Variants in ATAT1 observed in about 807,000 individuals in gnomAD.
ATAT1 encodes alpha-tubulin N-acetyltransferase 1.
Under a neutral mutation model 57.2 loss-of-function variants are expected in ATAT1, and 42 were observed. That is an observed-to-expected ratio of 0.73 (90% CI 0.57 to 0.95). ATAT1 has a LOEUF of 0.95. ATAT1 is among the 40% of genes least tolerant of loss of function. ATAT1 has a pLI of 0.00. For missense variants in ATAT1, 454 were observed against 523.7 expected, an observed-to-expected ratio of 0.87 and a Z score of 1.30; for synonymous variants, 168 against 187.1, an observed-to-expected ratio of 0.90 and a Z score of 0.83.
At chr6:30,631,777 AAAAC>A (rs1343261454) in intron 6 of ATAT1, among the ~76,000 whole-genome samples, 1 of 150,978 alleles carries the variant, frequency 6.6e-6, no homozygotes, top group African/African-American at 2.5e-5. Context: ...AGACTGTCTC[AAAAC>A]AAACAAACAA....
rs775332757 is a variant in ATAT1, at chr6:30,627,625, C to A, written c.133-11C>A. The A allele has an allele frequency of 6.8e-6, 11 of 1,612,572 alleles. No individual in the cohort carries two copies. Among genetic ancestry groups the A allele is most frequent in the Non-Finnish European group, 9.3e-6 (11 of 1,179,700 alleles). ...AGACTTGCAGAAAGTCTGACTTAATCTTCCCTGCAGGCCCAGAATCTTTCC... is the reference window on the plus strand; with the variant it reads ...AGACTTGCAGAAAGTCTGACTTAATATTCCCTGCAGGCCCAGAATCTTTCC... On this transcript the variant is annotated splice_polypyrimidine_tract_variant and intron_variant, in intron 2 of 12. Coordinates refer to ENST00000330083, the MANE Select transcript of ATAT1 (RefSeq NM_001031722.4).
chr6:30,642,281 G>C, intron 9 of ATAT1, 34 bp downstream of exon 9: 2 of 1,613,542 alleles, frequency 1.2e-6, no homozygotes, highest in African/African-American at 2.7e-5. Context: ...TCTGGGCCTG[G>C]GGTACCTTAA....
At chr6:30,631,947 G>A (rs1762972290) in intron 6 of ATAT1, among the ~76,000 whole-genome samples, 1 of 152,148 alleles carries the variant, frequency 6.6e-6, no homozygotes, top group South Asian at 2.1e-4. Context: ...TAGGAGATGA[G>A]ACCAGAGAGG....
intron 6 of ATAT1, among the ~76,000 whole-genome samples, chr6:30,638,839 G>A (rs1289228275): frequency 6.6e-6 from 1 of 152,162 alleles, no homozygotes; most frequent in Admixed American, 6.6e-5. Context: ...TGACTTCCAG[G>A]ATTGTGAAGG....
At chr6:30,628,728 C>T (rs949227099) in intron 6 of ATAT1, among the ~76,000 whole-genome samples, 1 of 152,122 alleles carries the variant, frequency 6.6e-6, no homozygotes, top group African/African-American at 2.4e-5. Context: ...CTTCAGCCTC[C>T]TGAGTAGCTG....
intron 6 of ATAT1, among the ~76,000 whole-genome samples, chr6:30,634,660 G>A (rs1336549521): frequency 6.3e-4 from 75 of 118,640 alleles, no homozygotes; most frequent in Middle Eastern, 4.6e-3. Context: ...AATCTCAAAG[G>A]AGGAAAAAAA....
In ATAT1 at chr6:30,627,012, C is replaced by G. The variant is rs746049444; in HGVS notation, c.-192C>G. On this transcript the variant is annotated 5_prime_UTR_variant, in exon 1 of 13. Coordinates refer to ENST00000330083, the MANE Select transcript of ATAT1 (RefSeq NM_001031722.4). ...GGCCCGGTGACAGCTCAAACCCACC[C>G]TCTGGCCCTTTTCTCCCGGTTCCTC... The G allele has an allele frequency of 5.1e-6, 8 of 1,570,518 alleles. No homozygotes were observed. In the Admixed American group the frequency reaches 9.4e-5, roughly 18 times the overall value.
rs573290569 is a variant in ATAT1 at position 30,628,266 on chromosome 6, T to C, written c.400-63T>C. The C allele has an allele frequency of 2.8e-5, 44 of 1,564,852 alleles. No individual in the cohort carries two copies. In the African/African-American group the frequency reaches 5.6e-4, roughly 20 times the overall value. ...TCATTCTATTCCCTTCCCAGGCTTC[T>C]GGCTTCCTGTTGGCATGCTTTCCCC... On this transcript the variant is annotated intron_variant, in intron 5 of 12. Coordinates refer to ENST00000330083, the MANE Select transcript of ATAT1 (RefSeq NM_001031722.4).
intron 6 of ATAT1, among the ~76,000 whole-genome samples, chr6:30,638,379 C>T (rs1291485579): frequency 6.6e-6 from 1 of 151,914 alleles, no homozygotes; most frequent in African/African-American, 2.4e-5. Context: ...TACAGCCTCT[C>T]CCTCCTGGGG....
At chr6:30,632,567 A>G (rs1036229695) in intron 6 of ATAT1, among the ~76,000 whole-genome samples, 8 of 152,014 alleles carry the variant, frequency 5.3e-5, no homozygotes, top group Admixed American at 4.6e-4. Context: ...ACGAGACTCC[A>G]TCAAAGAAAA....
chr6:30,628,202 C>T (rs567524511), intron 5 of ATAT1, 57 bp downstream of exon 5: 2 of 1,556,982 alleles, frequency 1.3e-6, no homozygotes, highest in Non-Finnish European at 1.8e-6. Context: ...GCCCTGAGCC[C>T]TTCCAGAAGC....
Position 30,627,101 on chromosome 6 carries a change from C to T in ATAT1, c.-103C>T. 6.4e-7 allele frequency: 1 copy of T among 1,569,120 alleles called. No individual in the cohort carries two copies. Among genetic ancestry groups the T allele is most frequent in the Non-Finnish European group, 8.7e-7 (1 of 1,155,516 alleles). ...ACTAGTGATCGCCCCTTTTGATGTCCAGGCCTGCCTTTTTGGTGACCTCTG... is the reference window on the plus strand; with the variant it reads ...ACTAGTGATCGCCCCTTTTGATGTCTAGGCCTGCCTTTTTGGTGACCTCTG... On this transcript the variant is annotated 5_prime_UTR_variant, in exon 1 of 13. Transcript: ENST00000330083.
At position 30,635,783 on chromosome 6, in the gene ATAT1, G is replaced by C. The variant is rs997042264; in HGVS notation, c.502-4594G>C. On this transcript the variant is annotated intron_variant, in intron 6 of 12. Transcript: ENST00000330083. ...TCTTAATGAGCAGTTTTGGTGCAGC[G>C]GTGTTTGGAAGCCTGGATGCAGTGG... is the stretch of plus-strand genomic sequence containing the variant. 2.0e-5 allele frequency among the ~76,000 whole-genome samples: 3 copies of C among 152,164 alleles called. No individual in the cohort carries two copies. The East Asian group carries it at 5.8e-4, about 29-fold the overall frequency.
intron 9 of ATAT1, 69 bp from the exon 10 acceptor site, chr6:30,642,699 C>A (rs995739643): frequency 2.0e-6 from 2 of 1,016,488 alleles, no homozygotes; most frequent in African/African-American, 1.6e-5. Flanking sequence ...CTACCAAAAC[C>A]TTTGCTGTCA....
chr6:30,642,833 G>GGGGCC lies in ATAT1; in HGVS notation c.754_755insGGGCC (p.Ala252GlyfsTer69). On this transcript the variant is annotated frameshift_variant, in exon 10 of 13. Transcript: ENST00000330083. LOFTEE classifies it high-confidence loss of function. ...GGCCCCTCGCCGCGCCACACCTCCA[G>GGGGCC]CCCACCCACCCCCCCGCTCCAGCAG... 4.6e-6 allele frequency: 7 copies of GGGGCC among 1,537,850 alleles called. No homozygotes were observed. The highest frequency in any genetic ancestry group is 1.6e-5 in the African/African-American group (1 of 61,250).
intron 6 of ATAT1, chr6:30,633,577 C>G (rs1466175273): frequency 5.7e-6 from 1 of 174,914 alleles, no homozygotes; most frequent in African/African-American, 2.4e-5. Context: ...GACATAGTCC[C>G]CAAACTCTCA....
chr6:30,643,802 T>C (rs1311235021), intron 10 of ATAT1: 1 of 1,339,472 alleles, frequency 7.5e-7, no homozygotes, highest in African/African-American at 1.5e-5. Context: ...CTGAATACTT[T>C]CCCAACAGGA....
intron 6 of ATAT1, among the ~76,000 whole-genome samples, chr6:30,635,622 T>C (rs1763913131): frequency 6.7e-6 from 1 of 149,950 alleles, no homozygotes; most frequent in Non-Finnish European, 1.5e-5. Context: ...AACTGAAAAG[T>C]AAGGTGACCT....
chr6:30,638,054 T>A (rs1169916066), intron 6 of ATAT1, among the ~76,000 whole-genome samples: 1 of 152,088 alleles, frequency 6.6e-6, no homozygotes, highest in Non-Finnish European at 1.5e-5. Context: ...ATTTTTTGTA[T>A]TTTTAGTAGA....
Sources: allele counts gnomAD v4.1 joint callset (sites outside exome capture counted in the v4.1 genomes callset), GRCh38; gene constraint gnomAD v4.1.1; transcripts MANE v1.5; gene names NCBI Gene and HGNC (gene_info 2026-07-23, HGNC 2026-07-21).